ATR: variants seen among roughly 807,000 people sequenced by gnomAD.
ATR encodes the protein serine/threonine-protein kinase ATR.
ATR carries 142 observed loss-of-function variants against 305.3 expected under a neutral mutation model. The ratio of observed to expected loss-of-function variants is 0.47; its 90% CI spans 0.41 to 0.53. The LOEUF is 0.53. ATR is among the 20% of genes least tolerant of loss of function. The pLI is 0.00. For missense variants in ATR, 2,135 were observed against 3,133.1 expected (o/e 0.68, Z 7.60); for synonymous variants, 1,050 against 1,068.1 (o/e 0.98, Z 0.33).
At chr3:142,450,705 A>G in intron 46 of ATR, 1 of 1,583,292 alleles carries the variant, frequency 6.3e-7, no homozygotes, top group Non-Finnish European at 8.6e-7. Context: ...CAACAAAAAC[A>G]CATTACATGA....
At chr3:142,572,371 A>AT (rs2035298182) in intron 1 of ATR, among the ~76,000 whole-genome samples, 2 of 49,002 alleles carry the variant, frequency 4.1e-5, no homozygotes, top group Non-Finnish European at 9.2e-5. Context: ...GCCCGGCCTG[A>AT]CTTTTTTTTT....
intron 35 of ATR, among the ~76,000 whole-genome samples, chr3:142,491,352 C>T (rs956455257): frequency 1.3e-5 from 2 of 152,136 alleles, no homozygotes; most frequent in Non-Finnish European, 2.9e-5. Flanking sequence ...GCTACTGAGG[C>T]CTTTATGACA....
At position 142,549,581 on chromosome 3, in the gene ATR, G is replaced by T. The variant is rs750797892; in HGVS notation, c.3069C>A (p.Val1023=). ...LIRTLGKQLN[V]NRREILINNF... is the part of the protein sequence containing the mutation. Reference sequence around the variant, plus strand: ...TGTTTATTAAAATCTCTCTACGATTGACATTTAATTGTTTTCCTAAAGTTC... The same window carrying T: ...TGTTTATTAAAATCTCTCTACGATTTACATTTAATTGTTTTCCTAAAGTTC... The change falls in exon 15 of 47, where the codon GTC becomes GTA. Residue 1023 remains valine (V), a synonymous_variant. Coordinates refer to ENST00000350721, the MANE Select transcript of ATR (RefSeq NM_001184.4). 2 of 1,612,562 alleles carry T rather than the reference G, an allele frequency of 1.2e-6. No homozygotes were observed. The highest frequency in any genetic ancestry group is 1.7e-6 in the Non-Finnish European group (2 of 1,179,116).
At chr3:142,545,680 C>T (rs936586815) in intron 16 of ATR, among the ~76,000 whole-genome samples, 2 of 152,080 alleles carry the variant, frequency 1.3e-5, no homozygotes, top group African/African-American at 4.8e-5. Flanking sequence ...ATGTTCACAG[C>T]TGTCCCAAGA....
chr3:142,464,751 T>A (rs2071089925), intron 41 of ATR, among the ~76,000 whole-genome samples: 1 of 152,052 alleles, frequency 6.6e-6, no homozygotes, highest in Non-Finnish European at 1.5e-5. Context: ...AGACACAGAG[T>A]TCCAATTTGG....
In ATR at chr3:142,485,133, T is replaced by C; in HGVS notation, c.6221+7A>G. The stretch of plus-strand genomic sequence containing the variant: ...TTAATCTGCAAACATGCAGTTCTCA[T>C]ACTCACCTGCCAAAATGAAGAACTA... On this transcript the variant is annotated splice_region_variant and intron_variant, in intron 36 of 46. Coordinates refer to ENST00000350721, the MANE Select transcript of ATR (RefSeq NM_001184.4). 1.2e-6 allele frequency: 2 copies of C among 1,614,154 alleles called. No homozygotes were observed. Among genetic ancestry groups the C allele is most frequent in the Non-Finnish European group, 1.7e-6 (2 of 1,179,984 alleles).
At chr3:142,534,195 T>C (rs940935459) in intron 21 of ATR, among the ~76,000 whole-genome samples, 3 of 152,102 alleles carry the variant, frequency 2.0e-5, no homozygotes, top group African/African-American at 4.8e-5. Flanking sequence ...GGTAGTTTCA[T>C]TGTAGTTTAG....
At position 142,562,498 on chromosome 3, in the gene ATR, G is replaced by GT; in HGVS notation, c.903dup (p.Leu302ThrfsTer5). Reference sequence around the variant, plus strand: ...TAAGCTTCTGCTTCAAAGGGAAATAGTGTCTTTATCAGCTTTGATAATGGC... The same window carrying GT: ...TAAGCTTCTGCTTCAAAGGGAAATAGTTGTCTTTATCAGCTTTGATAATGGC... On this transcript the variant is annotated frameshift_variant, in exon 4 of 47. Coordinates refer to ENST00000350721, the MANE Select transcript of ATR (RefSeq NM_001184.4). LOFTEE classifies it high-confidence loss of function. 6.2e-7 allele frequency: 1 copy of GT among 1,614,096 alleles called. No homozygotes were observed.
At chr3:142,472,443 T>C (rs1042506578) in intron 36 of ATR, 3 of 152,182 alleles carry the variant, frequency 2.0e-5, no homozygotes, top group Non-Finnish European at 4.4e-5. Flanking sequence ...ATCTTTTGTC[T>C]TTTATATGAT....
rs557965737 is a variant in ATR at position 142,558,794 on chromosome 3, A to C, written c.1733-18T>G. 1.1e-5 allele frequency: 17 copies of C among 1,593,000 alleles called. No individual in the cohort carries two copies. The South Asian group carries it at 1.9e-4, about 18-fold the overall frequency. On this transcript the variant is annotated intron_variant, in intron 7 of 46. Coordinates refer to ENST00000350721, the MANE Select transcript of ATR (RefSeq NM_001184.4). ...ACTGTTTACTACAGAAGCACAAAAT[A>C]AGTCATTAATTATAACTTTTCCTTA...
chr3:142,511,912 G>A (rs2032589115), intron 27 of ATR, among the ~76,000 whole-genome samples: 1 of 151,914 alleles, frequency 6.6e-6, no homozygotes, highest in Non-Finnish European at 1.5e-5. Context: ...TCAGGAGTTC[G>A]AGACCAGTCT....
chr3:142,483,837 T>TAAATA (rs1261728652), intron 36 of ATR, among the ~76,000 whole-genome samples: 1 of 150,360 alleles, frequency 6.7e-6, no homozygotes, highest in African/African-American at 2.4e-5. Context: ...TGTCTTAAAA[T>TAAATA]AAATAAAATA....
In ATR at chr3:142,556,156, A is replaced by C; in HGVS notation, c.2079-17T>G. ...ACTTTATCTCTGGGGAAAAAAAAGAAAAAGTACTAAACTTTCTTGCCTAAT... is the reference window on the plus strand; with the variant it reads ...ACTTTATCTCTGGGGAAAAAAAAGACAAAGTACTAAACTTTCTTGCCTAAT... On this transcript the variant is annotated splice_polypyrimidine_tract_variant and intron_variant, in intron 9 of 46. Coordinates refer to ENST00000350721, the MANE Select transcript of ATR (RefSeq NM_001184.4). 1 of 1,611,942 alleles carries C rather than the reference A, an allele frequency of 6.2e-7. No homozygotes were observed. The highest frequency in any genetic ancestry group is 2.2e-5 in the East Asian group (1 of 44,848).
At chr3:142,503,724 T>C (rs1348149365) in intron 29 of ATR, among the ~76,000 whole-genome samples, 1 of 152,098 alleles carries the variant, frequency 6.6e-6, no homozygotes, top group Non-Finnish European at 1.5e-5. Context: ...GTCACACCTT[T>C]CTTAATTTAA....
chr3:142,500,906 T>C (rs1021233096), intron 30 of ATR, among the ~76,000 whole-genome samples: 2 of 152,186 alleles, frequency 1.3e-5, no homozygotes, highest in African/African-American at 4.8e-5. Context: ...TAACAGATTA[T>C]CTATGGGATA....
At chr3:142,488,122 G>A (rs1377471382) in intron 35 of ATR, among the ~76,000 whole-genome samples, 1 of 152,166 alleles carries the variant, frequency 6.6e-6, no homozygotes, top group Admixed American at 6.6e-5. Flanking sequence ...GGGAGAGTGA[G>A]GTTAAGGTCT....
chr3:142,477,879 T>C (rs978254217), intron 36 of ATR, among the ~76,000 whole-genome samples: 16 of 152,246 alleles, frequency 1.1e-4, no homozygotes, highest in Admixed American at 8.5e-4. Flanking sequence ...CTTATTTGCA[T>C]AGAGGTGTTT....
At chr3:142,559,163 G>A (rs2034789640) in intron 7 of ATR, 88 bp downstream of exon 7, 5 of 1,380,726 alleles carry the variant, frequency 3.6e-6, no homozygotes, top group South Asian at 2.5e-5. Context: ...TTCCAAACAC[G>A]CACTTAGGCT....
At chr3:142,451,251 T>C in intron 46 of ATR, 1 of 1,202,072 alleles carries the variant, frequency 8.3e-7, no homozygotes, top group Non-Finnish European at 1.0e-6. Flanking sequence ...AAGCTCCAGC[T>C]GTGGGACTGG....
Sources: gnomAD v4.1 joint callset for allele counts (sites outside exome capture counted in the v4.1 genomes callset) on GRCh38, gnomAD v4.1.1 for gene constraint, MANE v1.5 for transcripts, NCBI Gene and HGNC (gene_info 2026-07-23, HGNC 2026-07-21) for gene names.